SH3GL2: variants seen among roughly 807,000 people sequenced by gnomAD.
SH3GL2 encodes the protein SH3 domain containing GRB2 like 2, endophilin A1.
SH3GL2 carries 24 observed loss-of-function variants against 46.0 expected under a neutral mutation model. The observed-to-expected ratio is 0.52, with a 90% CI of 0.38 to 0.73. The LOEUF (loss-of-function observed/expected upper bound fraction) is 0.73. Ranked by LOEUF, SH3GL2 falls within the 30% of genes least tolerant of loss-of-function variation. The pLI, the probability that SH3GL2 is intolerant of heterozygous loss-of-function variation, is 0.00. For missense variants in SH3GL2, 413 were observed against 424.2 expected, an observed-to-expected ratio of 0.97 and a Z score of 0.23; for synonymous variants, 196 against 147.1, an observed-to-expected ratio of 1.33 and a Z score of -2.40.
intron 1 of SH3GL2, among the ~76,000 whole-genome samples, chr9:17,610,500 A>G (rs1818840494): frequency 6.6e-6 from 1 of 152,232 alleles, no homozygotes; most frequent in East Asian, 1.9e-4. Context: ...GTTGATACAT[A>G]CTTGGAATGA....
intron 1 of SH3GL2, among the ~76,000 whole-genome samples, chr9:17,602,319 T>C (rs1818686043): frequency 6.6e-6 from 1 of 152,210 alleles, no homozygotes; most frequent in Admixed American, 6.5e-5. Flanking sequence ...AAAGTAATGA[T>C]AGCTGCTGGG....
chr9:17,609,915 G>A (rs926874819), intron 1 of SH3GL2, among the ~76,000 whole-genome samples: 1 of 152,190 alleles, frequency 6.6e-6, no homozygotes, highest in East Asian at 1.9e-4. Flanking sequence ...CCACCCTAGA[G>A]AGCTCCAGAC....
At chr9:17,625,201 C>G (rs1819253473) in intron 1 of SH3GL2, among the ~76,000 whole-genome samples, 1 of 152,106 alleles carries the variant, frequency 6.6e-6, no homozygotes. Context: ...TTGGTTCATC[C>G]TGTGTGAATG....
intron 1 of SH3GL2, among the ~76,000 whole-genome samples, chr9:17,681,525 T>G (rs1820766177): frequency 6.6e-6 from 1 of 152,186 alleles, no homozygotes; most frequent in Non-Finnish European, 1.5e-5. Context: ...ACTGGACCCC[T>G]TCCTTACACC....
chr9:17,764,181 G>C (rs981520249), intron 3 of SH3GL2, among the ~76,000 whole-genome samples: 1 of 152,140 alleles, frequency 6.6e-6, no homozygotes, highest in African/African-American at 2.4e-5. Flanking sequence ...GTTATGTATG[G>C]GCAGGCCACA....
Position 17,609,719 on chromosome 9 carries a change from T to G in SH3GL2, c.45+30432T>G, listed in dbSNP as rs372242843. Among the ~76,000 whole-genome samples the G allele has an allele frequency of 5.3e-5, 8 of 152,344 alleles. No individual in the cohort carries two copies. In the East Asian group the frequency reaches 1.2e-3, roughly 22 times the overall value. On this transcript the variant is annotated intron_variant, in intron 1 of 8. Coordinates refer to ENST00000380607, the MANE Select transcript of SH3GL2 (RefSeq NM_003026.5). ...ATTTATTGAGAATGTGGGAAAACAT[T>G]TGTTCTCTAAAAGAAAGTTGCAGAT... is the stretch of plus-strand genomic sequence containing the variant.
chr9:17,616,204 AAAG>A (rs982718369), intron 1 of SH3GL2, among the ~76,000 whole-genome samples: 4 of 152,330 alleles, frequency 2.6e-5, no homozygotes, highest in African/African-American at 9.6e-5. Flanking sequence ...TTCTGGAAAA[AAAG>A]AGATAAATTA....
chr9:17,700,051 C>G (rs1407064182), intron 1 of SH3GL2, among the ~76,000 whole-genome samples: 1 of 147,838 alleles, frequency 6.8e-6, no homozygotes, highest in Non-Finnish European at 1.5e-5. Context: ...GATCTCTGTG[C>G]AAGAAGAAAA....
chr9:17,654,505 C>T (rs140514416), intron 1 of SH3GL2, among the ~76,000 whole-genome samples: 28 of 152,272 alleles, frequency 1.8e-4, no homozygotes, highest in African/African-American at 6.0e-4. Context: ...TAGGAGAACT[C>T]TGTTCTGAGC....
chr9:17,757,192 T>C (rs1159377477), intron 2 of SH3GL2, among the ~76,000 whole-genome samples: 1 of 152,128 alleles, frequency 6.6e-6, no homozygotes, highest in East Asian at 1.9e-4. Flanking sequence ...CCTAAGACCA[T>C]AAAAACCCTA....
chr9:17,732,607 C>T (rs1258949571), intron 1 of SH3GL2, among the ~76,000 whole-genome samples: 3 of 151,924 alleles, frequency 2.0e-5, no homozygotes, highest in Non-Finnish European at 4.4e-5. Context: ...GGCACAGGGG[C>T]CATGGGAGCA....
At chr9:17,742,832 G>C (rs1231278562) in intron 1 of SH3GL2, among the ~76,000 whole-genome samples, 1 of 152,164 alleles carries the variant, frequency 6.6e-6, no homozygotes, top group Non-Finnish European at 1.5e-5. Context: ...GTACAGGAGA[G>C]TTGTTTTTAG....
At chr9:17,794,851 A>C (rs1824234236) in intron 8 of SH3GL2, among the ~76,000 whole-genome samples, 1 of 152,196 alleles carries the variant, frequency 6.6e-6, no homozygotes, top group Non-Finnish European at 1.5e-5. Context: ...TAAATTACAA[A>C]ATTTTTTACA....
chr9:17,675,901 C>T (rs900910947), intron 1 of SH3GL2, among the ~76,000 whole-genome samples: 6 of 152,090 alleles, frequency 3.9e-5, no homozygotes, highest in African/African-American at 4.8e-5. Flanking sequence ...GCTGAGATCG[C>T]GCCACTGCAC....
At chr9:17,688,798 A>G (rs1003803201) in intron 1 of SH3GL2, among the ~76,000 whole-genome samples, 2 of 152,110 alleles carry the variant, frequency 1.3e-5, no homozygotes, top group Non-Finnish European at 2.9e-5. Flanking sequence ...TATCAAATAA[A>G]TATCTATGAG....
chr9:17,685,765 C>A (rs972264724), intron 1 of SH3GL2, among the ~76,000 whole-genome samples: 1 of 151,750 alleles, frequency 6.6e-6, no homozygotes, highest in Non-Finnish European at 1.5e-5. Context: ...TGTAGATATG[C>A]GGCGTTATTT....
chr9:17,626,238 A>C (rs537953826), intron 1 of SH3GL2, among the ~76,000 whole-genome samples: 31 of 152,284 alleles, frequency 2.0e-4, no homozygotes, highest in African/African-American at 7.0e-4. Flanking sequence ...CCATATGTCA[A>C]GGGGATATGA....
intron 1 of SH3GL2, among the ~76,000 whole-genome samples, chr9:17,738,565 C>CATAT (rs374528271): frequency 0.19 from 10,321 of 53,164 alleles, 1,439 homozygotes; most frequent in African/African-American, 0.41. Flanking sequence ...TATATACATA[C>CATAT]ATATATATAT....
intron 1 of SH3GL2, among the ~76,000 whole-genome samples, chr9:17,725,250 C>T (rs537722643): frequency 1.3e-5 from 2 of 152,060 alleles, no homozygotes; most frequent in Non-Finnish European, 2.9e-5. Context: ...CCACATTCCA[C>T]TCGATTTACT....
Sources: allele counts gnomAD v4.1 joint callset (sites outside exome capture counted in the v4.1 genomes callset), GRCh38; gene constraint gnomAD v4.1.1; transcripts MANE v1.5; gene names NCBI Gene and HGNC (gene_info 2026-07-23, HGNC 2026-07-21).